SPATA18: variants seen among roughly 807,000 people sequenced by gnomAD.
SPATA18 encodes mitochondria-eating protein.
A neutral mutation model predicts 68.1 loss-of-function variants in SPATA18; 54 were observed. That is an observed-to-expected ratio of 0.79 (90% confidence interval 0.64 to 0.99). The LOEUF (loss-of-function observed/expected upper bound fraction) is 0.99. Among genes scored for constraint, SPATA18 ranks in the 50% least tolerant of loss-of-function variants. SPATA18 has a pLI of 0.00. For missense variants in SPATA18, 724 were observed against 681.1 expected, an observed-to-expected ratio of 1.06 and a Z score of -0.70; for synonymous variants, 242 against 244.8, an observed-to-expected ratio of 0.99 and a Z score of 0.11.
rs1578186682 is a variant in SPATA18, at chr4:52,079,751, T to C, written c.1187T>C (p.Ile396Thr). ...CCATCTTTTGTTTTTCAGGATGTGA[T>C]CCGAGCCATGAATGTCAATCCCAAG... ...YDSQSSVNDV[I>T]RAMNVNPKIS... is the part of the protein sequence containing the mutation. The change falls in exon 9 of 13, where the codon ATC (isoleucine) becomes ACC (threonine). Residue 396 changes from isoleucine to threonine, a missense_variant. Physicochemically the swap from Ile to Thr is moderately conservative, Grantham distance 89. Transcript: ENST00000295213. The C allele has an allele frequency of 1.4e-5, 22 of 1,613,908 alleles. No individual in the cohort carries two copies. The highest frequency in any genetic ancestry group is 1.9e-5 in the Non-Finnish European group (22 of 1,179,860).
intron 4 of SPATA18, among the ~76,000 whole-genome samples, chr4:52,064,881 T>C (rs1458322744): frequency 6.6e-6 from 1 of 152,238 alleles, no homozygotes; most frequent in Non-Finnish European, 1.5e-5. Flanking sequence ...CTAGTTTACA[T>C]TCCTACCAGC....
intron 4 of SPATA18, among the ~76,000 whole-genome samples, chr4:52,068,189 C>T (rs1739469470): frequency 6.6e-6 from 1 of 152,152 alleles, no homozygotes; most frequent in Non-Finnish European, 1.5e-5. Context: ...TTCATTTTCA[C>T]ATATTTACTT....
intron 1 of SPATA18, among the ~76,000 whole-genome samples, chr4:52,059,359 C>G (rs143787844): frequency 1.1e-3 from 168 of 152,324 alleles, no homozygotes; most frequent in African/African-American, 3.9e-3. Context: ...ATTTTTACAA[C>G]CACATGATGT....
At chr4:52,089,518 T>G (rs1741752893) in intron 11 of SPATA18, among the ~76,000 whole-genome samples, 1 of 152,240 alleles carries the variant, frequency 6.6e-6, no homozygotes, top group South Asian at 2.1e-4. Context: ...ACATCTTTAT[T>G]TCTGCCTTCA....
chr4:52,066,639 A>G (rs1033047491), intron 4 of SPATA18, among the ~76,000 whole-genome samples: 1 of 152,112 alleles, frequency 6.6e-6, no homozygotes, highest in Admixed American at 6.5e-5. Flanking sequence ...TTAGCTATTT[A>G]TCCTGATGCT....
At position 52,051,472 on chromosome 4, in the gene SPATA18, C is replaced by A; in HGVS notation, c.-233C>A. On this transcript the variant is annotated 5_prime_UTR_variant, in exon 1 of 13. Coordinates refer to ENST00000295213, the MANE Select transcript of SPATA18 (RefSeq NM_145263.4). ...AGGCGGCTGCTGGGGAGCCAGGAGA[C>A]CGCGCGGGACGGCGGATGAGGCGCG... 1.9e-6 allele frequency: 1 copy of A among 536,094 alleles called. No homozygotes were observed. The allele number at this position is 536,094 out of a possible 1,614,324, so 33.2% of individuals were successfully genotyped here.
chr4:52,060,614 T>C (rs1008575545), intron 2 of SPATA18, 90 bp downstream of exon 2: 3 of 1,358,992 alleles, frequency 2.2e-6, no homozygotes, highest in African/African-American at 1.4e-5. Context: ...GTTGGTGTGG[T>C]TGGGTTTCTC....
chr4:52,067,279 G>T (rs971507700), intron 4 of SPATA18, among the ~76,000 whole-genome samples: 1 of 152,156 alleles, frequency 6.6e-6, no homozygotes, highest in Admixed American at 6.5e-5. Flanking sequence ...TTATATGTTT[G>T]TGGGTCACAT....
intron 5 of SPATA18, among the ~76,000 whole-genome samples, chr4:52,071,005 T>A (rs1348076094): frequency 1.3e-5 from 2 of 152,166 alleles, no homozygotes; most frequent in Non-Finnish European, 2.9e-5. Context: ...ACTGTTCTAT[T>A]TTCTACTTCT....
Position 52,053,132 on chromosome 4 carries a change from T to G in SPATA18, c.87+1341T>G, listed in dbSNP as rs563318141. Among the ~76,000 whole-genome samples the G allele has an allele frequency of 3.3e-5, 5 of 152,230 alleles. No individual in the cohort carries two copies. The South Asian group carries it at 1.0e-3, about 32-fold the overall frequency. Reference sequence around the variant, plus strand: ...TTTGCCCAGTGGCCTAACTAAACTCTGAATTTTAAAAAAACATGTTGTTTG... The same window carrying G: ...TTTGCCCAGTGGCCTAACTAAACTCGGAATTTTAAAAAAACATGTTGTTTG... On this transcript the variant is annotated intron_variant, in intron 1 of 12. Coordinates refer to ENST00000295213, the MANE Select transcript of SPATA18 (RefSeq NM_145263.4).
intron 4 of SPATA18, among the ~76,000 whole-genome samples, chr4:52,067,151 C>T (rs181437297): frequency 1.5e-3 from 227 of 152,262 alleles, no homozygotes; most frequent in African/African-American, 5.2e-3. Context: ...TTTGCAGCCT[C>T]GCCAGCATCT....
rs1418084352 is a variant in SPATA18, at chr4:52,051,549, C to A, written c.-156C>A. On this transcript the variant is annotated 5_prime_UTR_variant, in exon 1 of 13. Coordinates refer to ENST00000295213, the MANE Select transcript of SPATA18 (RefSeq NM_145263.4). ...TCTGGCTTCCCGAACCCGGCCAGGT[C>A]CGACCCGAGGGGGAGGATGGAAACA... 1.1e-5 allele frequency: 8 copies of A among 734,084 alleles called. No individual in the cohort carries two copies. The highest frequency in any genetic ancestry group is 1.9e-5 in the Non-Finnish European group (8 of 429,424). The allele number at this position is 734,084 out of a possible 1,614,324, so 45.5% of individuals were successfully genotyped here. A position where few individuals can be genotyped will look rare whatever the true frequency, so the allele number is the denominator to read the frequency against.
At chr4:52,051,825 C>A (rs2109392944) in intron 1 of SPATA18, 34 bp downstream of exon 1, 6 of 1,580,292 alleles carry the variant, frequency 3.8e-6, no homozygotes, top group Non-Finnish European at 5.2e-6. Context: ...GGGGTTCGCC[C>A]TCCCATAGGT....
Position 52,078,785 on chromosome 4 carries a change from G to A in SPATA18, c.1071G>A (p.Val357=). Residue 357 remains valine, a synonymous_variant, in exon 8 of 13, where the codon GTG becomes GTA. Coordinates refer to ENST00000295213, the MANE Select transcript of SPATA18 (RefSeq NM_145263.4). ...KMAFRHFKIH[V]RKSLTPSYVG... ...CATTCAGACACTTCAAGATCCATGTGAGAAAATCGTTGACACCATCTTATG... is the reference window on the plus strand; with the variant it reads ...CATTCAGACACTTCAAGATCCATGTAAGAAAATCGTTGACACCATCTTATG... 1 of 1,606,762 alleles carries A rather than the reference G, an allele frequency of 6.2e-7. No homozygotes were observed. The highest frequency in any genetic ancestry group is 8.5e-7 in the Non-Finnish European group (1 of 1,174,090).
rs762058905 is a variant in SPATA18, at chr4:52,076,869, C to T, written c.849C>T (p.Val283=). The change falls in exon 7 of 13, where the codon GTC becomes GTT. Residue 283 remains valine, a synonymous_variant. Coordinates refer to ENST00000295213, the MANE Select transcript of SPATA18 (RefSeq NM_145263.4). ...RSASPSTAVK[V]RRPSPNRSKL... ...CCAGCCCCTCCACCGCTGTCAAGGT[C>T]AGGAGACCGTCCCCAAACCGCTCCA... 6.2e-7 allele frequency: 1 copy of T among 1,614,098 alleles called. No individual in the cohort carries two copies. Among genetic ancestry groups the T allele is most frequent in the East Asian group, 2.2e-5 (1 of 44,892 alleles).
In SPATA18 at chr4:52,097,121, A is replaced by G. The variant is rs751775714; in HGVS notation, c.*2234A>G. 2.0e-5 allele frequency: 3 copies of G among 152,156 alleles called. No individual in the cohort carries two copies. The highest frequency in any genetic ancestry group is 4.4e-5 in the Non-Finnish European group (3 of 68,032). The allele number at this position is 152,156 out of a possible 1,614,324, so 9.4% of individuals were successfully genotyped here. On this transcript the variant is annotated 3_prime_UTR_variant, in exon 13 of 13. Coordinates refer to ENST00000295213, the MANE Select transcript of SPATA18 (RefSeq NM_145263.4). ...AGCCAAAGGAGACTGGCCTATACTC[A>G]TTTTATCTGGGGATGTACCTTACCC...
rs557255587 is a variant in SPATA18, at chr4:52,052,851, G to A, written c.87+1060G>A. On this transcript the variant is annotated intron_variant, in intron 1 of 12. Coordinates refer to ENST00000295213, the MANE Select transcript of SPATA18 (RefSeq NM_145263.4). ...ACCCTTTAACCAGTGCTCCTGAAGT[G>A]GAGGGGAGCTCAAAGAGCAGCTACA... is the stretch of plus-strand genomic sequence containing the variant. 3.3e-5 allele frequency among the ~76,000 whole-genome samples: 5 copies of A among 152,328 alleles called. No homozygotes were observed. In the South Asian group the frequency reaches 6.2e-4, roughly 19 times the overall value.
intron 10 of SPATA18, chr4:52,083,027 G>A (rs1741086865): frequency 2.0e-6 from 2 of 985,368 alleles, no homozygotes; most frequent in East Asian, 1.1e-4. Context: ...TGGGAAGGTC[G>A]CTTCCTATAT....
intron 10 of SPATA18, chr4:52,083,268 C>T (rs1741113473): frequency 2.0e-6 from 2 of 985,168 alleles, no homozygotes; most frequent in Non-Finnish European, 1.2e-6. Context: ...CAGGATGATG[C>T]CCACAGCTGG....
Sources: gnomAD v4.1 joint callset for allele counts (sites outside exome capture counted in the v4.1 genomes callset) on GRCh38, gnomAD v4.1.1 for gene constraint, MANE v1.5 for transcripts, NCBI Gene and HGNC (gene_info 2026-07-23, HGNC 2026-07-21) for gene names.